The following MRPS18B variants were observed in gnomAD, a reference collection of about 807,000 sequenced individuals.
The protein encoded by MRPS18B is small ribosomal subunit protein mS40.
In MRPS18B, 27 loss-of-function variants were observed where a neutral mutation model predicts 28.4. That is an observed-to-expected ratio of 0.95 (90% confidence interval 0.70 to 1.31). The LOEUF (loss-of-function observed/expected upper bound fraction) is 1.31. Ranked by LOEUF, MRPS18B falls within the 40% of genes most tolerant of loss-of-function variation. The pLI is 0.00. For synonymous variants in MRPS18B, 118 were observed against 123.7 expected, an observed-to-expected ratio of 0.95 and a Z score of 0.30; for missense variants, 343 against 335.9, an observed-to-expected ratio of 1.02 and a Z score of -0.17.
At chr6:30,624,386 G>C (rs1323785811) in intron 5 of MRPS18B, among the ~76,000 whole-genome samples, 1 of 152,170 alleles carries the variant, frequency 6.6e-6, no homozygotes, top group Non-Finnish European at 1.5e-5. Flanking sequence ...ATGAGCCACC[G>C]TGCCTGGCCT....
At chr6:30,621,637 A>G (rs17189190) in intron 4 of MRPS18B, among the ~76,000 whole-genome samples, 2,035 of 152,206 alleles carry the variant, frequency 0.013, 24 homozygotes, top group Admixed American at 0.024. Context: ...TCAATTGCAT[A>G]TAATTGGTTA....
intron 4 of MRPS18B, among the ~76,000 whole-genome samples, chr6:30,620,672 C>T (rs1285088063): frequency 1.3e-5 from 2 of 152,050 alleles, no homozygotes; most frequent in Admixed American, 6.5e-5. Flanking sequence ...TGGGTTCAAG[C>T]GATTCTCCCG....
In MRPS18B at chr6:30,619,692, A is replaced by G. The variant is rs760949644; in HGVS notation, c.188-17A>G. 1.2e-5 allele frequency: 20 copies of G among 1,613,200 alleles called. No homozygotes were observed. The Admixed American group carries it at 3.2e-4, about 26-fold the overall frequency. ...ACACTCCCACCCAGGAATAACTTGT[A>G]TGATCTTTCATTTCAGAATACCAGG... On this transcript the variant is annotated splice_polypyrimidine_tract_variant and intron_variant, in intron 2 of 6. Transcript: ENST00000259873.
rs1760799329 is a variant in MRPS18B at position 30,617,849 on chromosome 6, C to T, written c.-17C>T. On this transcript the variant is annotated 5_prime_UTR_variant, in exon 1 of 7. Coordinates refer to ENST00000259873, the MANE Select transcript of MRPS18B (RefSeq NM_014046.4). ...CAGTTGCCTTTCCGTCAATTCCTGT[C>T]CTGGGCGTACGTCAAGATGGCGGCG... 2 of 1,614,160 alleles carry T rather than the reference C, an allele frequency of 1.2e-6. No individual in the cohort carries two copies. Among genetic ancestry groups the T allele is most frequent in the African/African-American group, 1.3e-5 (1 of 75,068 alleles).
At chr6:30,622,987 C>T in intron 5 of MRPS18B, 89 bp downstream of exon 5, 2 of 1,321,150 alleles carry the variant, frequency 1.5e-6, no homozygotes, top group Middle Eastern at 1.8e-4. Flanking sequence ...TGTTCAGTGG[C>T]TCCTGCTTAT....
chr6:30,625,013 A>T, intron 6 of MRPS18B, 71 bp downstream of exon 6: 1 of 1,543,360 alleles, frequency 6.5e-7, no homozygotes, highest in Non-Finnish European at 8.9e-7. Context: ...TAGAAAATGG[A>T]TATAAATGCT....
rs181242580 is a variant in MRPS18B, at chr6:30,620,177, T to G, written c.354+188T>G. 5.1e-4 allele frequency: 294 copies of G among 575,574 alleles called. 1 individual carries two copies. The highest frequency in any genetic ancestry group is 4.9e-3 in the African/African-American group (260 of 53,064). The allele number at this position is 575,574 out of a possible 1,614,324, so 35.7% of individuals were successfully genotyped here. On this transcript the variant is annotated intron_variant, in intron 4 of 6. Transcript: ENST00000259873. Reference sequence around the variant, plus strand: ...CTAAAAATACAAAAAATTAGCCGGTTGTGGTGGCGGGCGCCTGTAGTCCCA... The same window carrying G: ...CTAAAAATACAAAAAATTAGCCGGTGGTGGTGGCGGGCGCCTGTAGTCCCA...
At chr6:30,625,266 G>A (rs1164395974) in intron 6 of MRPS18B, among the ~76,000 whole-genome samples, 1 of 152,172 alleles carries the variant, frequency 6.6e-6, no homozygotes, top group Non-Finnish European at 1.5e-5. Flanking sequence ...CCCTCTGCTA[G>A]GGCAGATGCA....
At chr6:30,621,713 G>A (rs939436858) in intron 4 of MRPS18B, among the ~76,000 whole-genome samples, 5 of 152,176 alleles carry the variant, frequency 3.3e-5, no homozygotes, top group African/African-American at 1.2e-4. Flanking sequence ...GGAGGCCAAG[G>A]TGAGTGGATC....
intron 6 of MRPS18B, among the ~76,000 whole-genome samples, chr6:30,625,199 A>T (rs1157237583): frequency 6.6e-6 from 1 of 152,174 alleles, no homozygotes; most frequent in African/African-American, 2.4e-5. Flanking sequence ...AGTTCTTTAT[A>T]TAAATGTCTG....
chr6:30,625,016 T>G, intron 6 of MRPS18B, 74 bp downstream of exon 6: 1 of 1,533,090 alleles, frequency 6.5e-7, no homozygotes. Flanking sequence ...AAAATGGATA[T>G]AAATGCTCAC....
At chr6:30,621,918 G>C (rs1406105825) in intron 4 of MRPS18B, among the ~76,000 whole-genome samples, 1 of 152,232 alleles carries the variant, frequency 6.6e-6, no homozygotes, top group African/African-American at 2.4e-5. Context: ...CTGCACTCCA[G>C]CCTGAGCAGC....
Position 30,625,497 on chromosome 6 carries a change from C to G in MRPS18B, c.482-5C>G. On this transcript the variant is annotated splice_polypyrimidine_tract_variant and splice_region_variant and intron_variant, in intron 6 of 6. Transcript: ENST00000259873. The stretch of plus-strand genomic sequence containing the variant: ...TTAAATTTCTTTTCTTTTTTAATCC[C>G]TTAGGTCTCCTCATTTACCACATCC... 6.5e-7 allele frequency: 1 copy of G among 1,544,528 alleles called. No individual in the cohort carries two copies. Among genetic ancestry groups the G allele is most frequent in the East Asian group, 2.3e-5 (1 of 43,954 alleles).
intron 4 of MRPS18B, 69 bp from the exon 5 acceptor site, chr6:30,622,763 C>T (rs940983692): frequency 1.7e-5 from 25 of 1,465,126 alleles, no homozygotes; most frequent in African/African-American, 5.6e-5. Context: ...TGTGTACTTT[C>T]GATGTCCAAA....
In MRPS18B at chr6:30,619,646, A is replaced by G. The variant is rs990214211; in HGVS notation, c.187+45A>G. ...GGGAGGGTCAGATAGGATTTGAGAT[A>G]AGTGGACAGAGCCACCCACTACACT... On this transcript the variant is annotated intron_variant, in intron 2 of 6. Transcript: ENST00000259873. 6 of 1,607,322 alleles carry G rather than the reference A, an allele frequency of 3.7e-6. No individual in the cohort carries two copies. In the African/African-American group the frequency reaches 6.7e-5, roughly 18 times the overall value.
In MRPS18B at chr6:30,625,807, A is replaced by G; in HGVS notation, c.*10A>G. On this transcript the variant is annotated 3_prime_UTR_variant, in exon 7 of 7. Transcript: ENST00000259873. ...TCAGAGTGCTCTGTAGGAGCTGTAG[A>G]CTGGGAAGAGAGGCCAGGCGTGGTG... is the stretch of plus-strand genomic sequence containing the variant. 2 of 1,596,046 alleles carry G rather than the reference A, an allele frequency of 1.3e-6. No individual in the cohort carries two copies. The highest frequency in any genetic ancestry group is 1.7e-6 in the Non-Finnish European group (2 of 1,166,848).
chr6:30,625,396 A>G lies in MRPS18B; in HGVS notation c.482-106A>G. The G allele has an allele frequency of 4.4e-6, 5 of 1,140,508 alleles. No homozygotes were observed. In the South Asian group the frequency reaches 7.7e-5, roughly 18 times the overall value. The allele number at this position is 1,140,508 out of a possible 1,614,324, so 70.6% of individuals were successfully genotyped here. A position where few individuals can be genotyped will look rare whatever the true frequency, so the allele number is the denominator to read the frequency against. On this transcript the variant is annotated intron_variant, in intron 6 of 6. Transcript: ENST00000259873. ...TGCAGTATACAACATGCATAAATGT[A>G]CCTGGTGGCTCTGACTGGTCCTTCC...
chr6:30,621,147 A>G (rs1291237079), intron 4 of MRPS18B, among the ~76,000 whole-genome samples: 1 of 152,218 alleles, frequency 6.6e-6, no homozygotes, highest in Admixed American at 6.5e-5. Context: ...CATGCCTGTA[A>G]TGCTAGCACT....
chr6:30,624,800 T>C, intron 5 of MRPS18B, 83 bp from the exon 6 acceptor site: 1 of 1,493,226 alleles, frequency 6.7e-7, no homozygotes, highest in Non-Finnish European at 9.3e-7. Flanking sequence ...TCCTTCCCAA[T>C]CTACCCCTCT....
Sources: gnomAD v4.1 joint callset for allele counts (sites outside exome capture counted in the v4.1 genomes callset) on GRCh38, gnomAD v4.1.1 for gene constraint, MANE v1.5 for transcripts, NCBI Gene and HGNC (gene_info 2026-07-23, HGNC 2026-07-21) for gene names.